Variants in BCL2L13 observed in about 807,000 individuals in gnomAD.
The protein encoded by BCL2L13 is BCL2 like 13, also known as bcl-2-like protein 13.
Under a neutral mutation model 25.8 loss-of-function variants are expected in BCL2L13, and 13 were observed. That is an observed-to-expected ratio of 0.50 (90% confidence interval 0.33 to 0.80). The LOEUF is 0.80. BCL2L13 is among the 30% of genes least tolerant of loss of function. The probability of loss-of-function intolerance (pLI) is 0.02; values close to 1 mark genes in which losing one functional copy is unlikely to be tolerated. For missense variants in BCL2L13, 504 were observed against 574.9 expected, an observed-to-expected ratio of 0.88 and a Z score of 1.26; for synonymous variants, 244 against 230.3, an observed-to-expected ratio of 1.06 and a Z score of -0.54.
chr22:17,728,518 A>G lies in BCL2L13; in HGVS notation c.*984A>G, dbSNP rs560788726. On this transcript the variant is annotated 3_prime_UTR_variant, in exon 7 of 7. Transcript: ENST00000317582. ...ATGGTTACTTGCCAGCAACATCTCT[A>G]TTGCTGGATGGTCCCTGTCTATAAC... is the stretch of plus-strand genomic sequence containing the variant. 1 of 152,172 alleles carries G rather than the reference A, an allele frequency of 6.6e-6. No homozygotes were observed. The highest frequency in any genetic ancestry group is 1.9e-4 in the East Asian group (1 of 5,174). 9.4% of individuals were successfully genotyped at this position (152,172 alleles called of 1,614,324 possible). A position where few individuals can be genotyped will look rare whatever the true frequency, so the allele number is the denominator to read the frequency against.
intron 2 of BCL2L13, among the ~76,000 whole-genome samples, chr22:17,657,576 G>A (rs77201566): frequency 0.015 from 2,241 of 151,578 alleles, 54 homozygotes; most frequent in African/African-American, 0.05. Context: ...GCAGCGGCAC[G>A]ATCTCGGCTA....
At chr22:17,647,175 C>T (rs751762896) in intron 1 of BCL2L13, among the ~76,000 whole-genome samples, 7 of 150,964 alleles carry the variant, frequency 4.6e-5, no homozygotes, top group African/African-American at 1.7e-4. Context: ...GGGGTTTCAC[C>T]GTGTTAGCCA....
chr22:17,650,117 G>A (rs1249407799), intron 1 of BCL2L13, among the ~76,000 whole-genome samples: 1 of 151,738 alleles, frequency 6.6e-6, no homozygotes, highest in Non-Finnish European at 1.5e-5. Context: ...TGATCTGCCC[G>A]TCTCAGCCTC....
chr22:17,650,855 G>A (rs1030226978), intron 1 of BCL2L13, among the ~76,000 whole-genome samples: 16 of 151,932 alleles, frequency 1.1e-4, no homozygotes, highest in African/African-American at 2.2e-4. Flanking sequence ...CTACAGGCAT[G>A]TGCCACCATG....
chr22:17,691,953 G>A (rs939967680), intron 4 of BCL2L13, among the ~76,000 whole-genome samples: 1 of 152,148 alleles, frequency 6.6e-6, no homozygotes, highest in African/African-American at 2.4e-5. Flanking sequence ...ATGTATCAAA[G>A]TCAGGTCTCT....
chr22:17,674,479 G>A (rs147679437), intron 2 of BCL2L13, among the ~76,000 whole-genome samples: 37 of 151,962 alleles, frequency 2.4e-4, no homozygotes, highest in African/African-American at 6.5e-4. Context: ...GGTTCCGGGC[G>A]CCTGTAATCC....
At chr22:17,666,323 G>C (rs116636359) in intron 2 of BCL2L13, among the ~76,000 whole-genome samples, 1 of 151,634 alleles carries the variant, frequency 6.6e-6, no homozygotes, top group Non-Finnish European at 1.5e-5. Context: ...TAGGGAATGG[G>C]GTATCCGTCC....
At chr22:17,636,570 C>T (rs1170299292), upstream of BCL2L13, among the ~76,000 whole-genome samples, 1 of 151,356 alleles carries the variant, frequency 6.6e-6, no homozygotes, top group Admixed American at 6.6e-5. Flanking sequence ...GGGGTGATCA[C>T]CCAAGGCCAA....
chr22:17,685,353 A>G (rs1440906700), intron 3 of BCL2L13, among the ~76,000 whole-genome samples: 3 of 151,810 alleles, frequency 2.0e-5, no homozygotes, highest in Admixed American at 6.6e-5. Flanking sequence ...AGCCTCTTGA[A>G]TAGCTGGGAT....
chr22:17,728,972 A>G lies in BCL2L13; in HGVS notation c.*1438A>G, dbSNP rs2061359400. On this transcript the variant is annotated 3_prime_UTR_variant, in exon 7 of 7. Transcript: ENST00000317582. ...CCCGTGTCTTTCCAGCCCTAAAGGA[A>G]GGGCAGACCCGTGTCTTTCCATGCC... The G allele has an allele frequency of 1.3e-5, 2 of 152,122 alleles. No homozygotes were observed. The highest frequency in any genetic ancestry group is 4.1e-4 in the South Asian group (2 of 4,824). 9.4% of individuals were successfully genotyped at this position (152,122 alleles called of 1,614,324 possible). A position where few individuals can be genotyped will look rare whatever the true frequency, so the allele number is the denominator to read the frequency against.
chr22:17,673,952 A>G (rs1023777666), intron 2 of BCL2L13, among the ~76,000 whole-genome samples: 3 of 152,152 alleles, frequency 2.0e-5, no homozygotes, highest in Non-Finnish European at 2.9e-5. Flanking sequence ...ATCATAGTAG[A>G]TAGTGGTAGC....
chr22:17,664,728 G>A (rs2059182818), intron 2 of BCL2L13, among the ~76,000 whole-genome samples: 1 of 152,190 alleles, frequency 6.6e-6, no homozygotes, highest in South Asian at 2.1e-4. Context: ...TTCTTGACTT[G>A]TGTGCACCTG....
chr22:17,698,364 G>T (rs1671091578), intron 5 of BCL2L13, among the ~76,000 whole-genome samples: 1 of 151,842 alleles, frequency 6.6e-6, no homozygotes, highest in Admixed American at 6.6e-5. Flanking sequence ...ATCTGCCTCT[G>T]TTGGCCTCCC....
chr22:17,697,801 G>C (rs5747333), intron 5 of BCL2L13, among the ~76,000 whole-genome samples: 78,028 of 151,848 alleles, frequency 0.51, 20,764 homozygotes, highest in East Asian at 0.84. Flanking sequence ...TATTCTCTCT[G>C]ATATAGACAT....
At position 17,702,319 on chromosome 22, in the gene BCL2L13, T is replaced by C; in HGVS notation, c.533T>C (p.Leu178Pro). Residue 178 changes from leucine to proline, a missense_variant, in exon 6 of 7, where the codon CTG becomes CCG. Physicochemically the swap from Leu to Pro is moderately conservative, Grantham distance 98. Coordinates refer to ENST00000317582, the MANE Select transcript of BCL2L13 (RefSeq NM_015367.4). ...TRRGQEPLSALLQFGVTYLED... is the reference protein window; with the variant it reads ...TRRGQEPLSAPLQFGVTYLED... ...CGTGGTCAAGAACCTTTGAGCGCAC[T>C]GCTGCAGTTTGGCGTGACATACCTG... 3 of 1,612,992 alleles carry C rather than the reference T, an allele frequency of 1.9e-6. No individual in the cohort carries two copies. The highest frequency in any genetic ancestry group is 2.5e-6 in the Non-Finnish European group (3 of 1,179,456).
intron 2 of BCL2L13, among the ~76,000 whole-genome samples, chr22:17,677,847 G>A (rs1345890683): frequency 6.6e-6 from 1 of 150,382 alleles, no homozygotes; most frequent in South Asian, 2.1e-4. Context: ...ATGATCTGGC[G>A]ACAGAGCGAG....
chr22:17,661,429 T>C (rs2083899816), intron 2 of BCL2L13, among the ~76,000 whole-genome samples: 1 of 146,072 alleles, frequency 6.8e-6, no homozygotes, highest in Non-Finnish European at 1.6e-5. Context: ...TAAAAAACTT[T>C]AAGCTAGTGT....
chr22:17,716,613 T>G (rs1240099523), intron 6 of BCL2L13, among the ~76,000 whole-genome samples: 1 of 152,176 alleles, frequency 6.6e-6, no homozygotes, highest in East Asian at 1.9e-4. Flanking sequence ...TTTCAAAAAT[T>G]TATGTTTGGT....
rs1438167197 is a variant in BCL2L13, at chr22:17,631,686, A to ATATATATATT, written c.-650+2690_-650+2691insTTATATATAT. Among the ~76,000 whole-genome samples, 144 of 51,796 alleles carry ATATATATATT rather than the reference A, an allele frequency of 2.8e-3. 6 individuals are homozygous for ATATATATATT. Among genetic ancestry groups the ATATATATATT allele is most frequent in the African/African-American group, 9.9e-3 (132 of 13,298 alleles). The allele number at this position is 51,796 out of a possible 152,430, so 34.0% of individuals were successfully genotyped here. On this transcript the variant is annotated intron_variant, in intron 1 of 6. Coordinates refer to the BCL2L13 transcript ENST00000399782. ...TGTGTGTGTGTATATATATATATAT[A>ATATATATATT]TATATATATATATATATATATTTTT...
Sources: gnomAD v4.1 joint callset for allele counts (sites outside exome capture counted in the v4.1 genomes callset) on GRCh38, gnomAD v4.1.1 for gene constraint, MANE v1.5 for transcripts, NCBI Gene and HGNC (gene_info 2026-07-23, HGNC 2026-07-21) for gene names.